CEMIP: variants seen among roughly 807,000 people sequenced by gnomAD.
CEMIP encodes cell migration-inducing and hyaluronan-binding protein.
A neutral mutation model predicts 156.9 loss-of-function variants in CEMIP; 105 were observed. The observed-to-expected ratio is 0.67, with a 90% CI of 0.57 to 0.79. The LOEUF (loss-of-function observed/expected upper bound fraction) is 0.79, where lower values mean the gene tolerates loss of function less well. Ranked by LOEUF, CEMIP falls within the 30% of genes least tolerant of loss-of-function variation. The pLI, the probability that CEMIP is intolerant of heterozygous loss-of-function variation, is 0.00. For missense variants in CEMIP, 1,457 were observed against 1,769.4 expected (o/e 0.82, Z 3.17); for synonymous variants, 676 against 668.4 (o/e 1.01, Z -0.17).
At chr15:80,876,639 G>A (rs190723751) in intron 3 of CEMIP, among the ~76,000 whole-genome samples, 87 of 152,332 alleles carry the variant, frequency 5.7e-4, no homozygotes, top group Non-Finnish European at 1.1e-3. Context: ...CCCAGCAAGC[G>A]GACACTAAGT....
At chr15:80,785,256 T>C (rs961243783) in intron 1 of CEMIP, among the ~76,000 whole-genome samples, 14 of 152,206 alleles carry the variant, frequency 9.2e-5, no homozygotes, top group African/African-American at 3.4e-4. Context: ...TGTTTACATT[T>C]AAACAACTTT....
Position 80,949,191 on chromosome 15 carries a change from T to C in CEMIP, c.*267T>C, listed in dbSNP as rs1319940830. The C allele has an allele frequency of 1.0e-5, 5 of 499,824 alleles. No homozygotes were observed. The East Asian group carries it at 1.9e-4, about 19-fold the overall frequency. 31.0% of individuals were successfully genotyped at this position (499,824 alleles called of 1,614,324 possible). The stretch of plus-strand genomic sequence containing the variant: ...TGCAGCCTCTTGGGTGCTTCTCTCC[T>C]ATCTGTGCCTCTTCAGTGGGGGTTT... On this transcript the variant is annotated 3_prime_UTR_variant, in exon 30 of 30. Coordinates refer to ENST00000394685, the MANE Select transcript of CEMIP (RefSeq NM_001293298.2).
intron 1 of CEMIP, among the ~76,000 whole-genome samples, chr15:80,829,768 G>A (rs1897113237): frequency 6.6e-6 from 1 of 152,176 alleles, no homozygotes; most frequent in African/African-American, 2.4e-5. Flanking sequence ...CACATCAGAG[G>A]CAGGAATTTC....
chr15:80,949,314 TCA>T lies in CEMIP; in HGVS notation c.*393_*394del. 1 of 350,798 alleles carries T rather than the reference TCA, an allele frequency of 2.9e-6. No individual in the cohort carries two copies. The highest frequency in any genetic ancestry group is 2.3e-5 in the South Asian group (1 of 42,732). The allele number at this position is 350,798 out of a possible 1,614,324, so 21.7% of individuals were successfully genotyped here. A position where few individuals can be genotyped will look rare whatever the true frequency, so the allele number is the denominator to read the frequency against. On this transcript the variant is annotated 3_prime_UTR_variant, in exon 30 of 30. Coordinates refer to ENST00000394685, the MANE Select transcript of CEMIP (RefSeq NM_001293298.2). Reference sequence around the variant, plus strand: ...GGAGGTAGTCTGGAGGGCTGGTCATTCACAGATCCCCATGGTCTTCAGCAGAC... The same window carrying T: ...GGAGGTAGTCTGGAGGGCTGGTCATTCAGATCCCCATGGTCTTCAGCAGAC...
At chr15:80,944,671 G>T (rs1366154455) in intron 28 of CEMIP, among the ~76,000 whole-genome samples, 1 of 152,174 alleles carries the variant, frequency 6.6e-6, no homozygotes, top group Non-Finnish European at 1.5e-5. Context: ...CCCATCAGAT[G>T]CTTCTTCGGC....
intron 21 of CEMIP, among the ~76,000 whole-genome samples, chr15:80,931,509 G>A (rs774480610): frequency 6.6e-6 from 1 of 151,930 alleles, no homozygotes; most frequent in Non-Finnish European, 1.5e-5. Context: ...GAAAAATTGG[G>A]GAAAATGTTG....
chr15:80,834,017 C>T (rs925708716), intron 1 of CEMIP, among the ~76,000 whole-genome samples: 1 of 152,216 alleles, frequency 6.6e-6, no homozygotes, highest in African/African-American at 2.4e-5. Context: ...TTTGTTTTGG[C>T]GGGCTATTCT....
rs200606720 is a variant in CEMIP at position 80,854,934 on chromosome 15, G to GT, written c.-175-18604_-175-18603insT. On this transcript the variant is annotated intron_variant, in intron 1 of 29. Coordinates refer to ENST00000394685, the MANE Select transcript of CEMIP (RefSeq NM_001293298.2). ...ACTATGTCTATGGTGGCTCATGCCT[G>GT]AATCCCAGCCCTTTGGGAGGCCGAG... Among the ~76,000 whole-genome samples the GT allele has an allele frequency of 5.3e-3, 810 of 152,326 alleles. 10 individuals carry two copies. The highest frequency in any genetic ancestry group is 0.015 in the African/African-American group (617 of 41,590).
At chr15:80,839,571 G>A (rs935887091) in intron 1 of CEMIP, among the ~76,000 whole-genome samples, 3 of 152,252 alleles carry the variant, frequency 2.0e-5, no homozygotes, top group South Asian at 2.1e-4. Context: ...CTTCAGCAAC[G>A]GGGCCCTGTG....
chr15:80,934,941 G>A (rs1336478681), intron 23 of CEMIP, among the ~76,000 whole-genome samples: 1 of 152,228 alleles, frequency 6.6e-6, no homozygotes, highest in South Asian at 2.1e-4. Context: ...ATTTGGAAGA[G>A]TTGCTGTAGA....
intron 1 of CEMIP, among the ~76,000 whole-genome samples, chr15:80,822,842 C>T (rs1896942326): frequency 6.6e-6 from 1 of 152,204 alleles, no homozygotes; most frequent in Non-Finnish European, 1.5e-5. Context: ...CCTTGATTGA[C>T]TTCCATCTGC....
At chr15:80,807,293 CA>C (rs939541022) in intron 1 of CEMIP, among the ~76,000 whole-genome samples, 7 of 150,078 alleles carry the variant, frequency 4.7e-5, no homozygotes, top group African/African-American at 1.7e-4. Context: ...TGCAGTGGCA[CA>C]ATCATAGCTC....
intron 1 of CEMIP, among the ~76,000 whole-genome samples, chr15:80,788,988 A>G (rs1896014141): frequency 6.6e-6 from 1 of 151,846 alleles, no homozygotes. Flanking sequence ...TTTGGTTTTT[A>G]AAGTGTTGCA....
At chr15:80,939,520 C>T (rs550689882) in intron 25 of CEMIP, among the ~76,000 whole-genome samples, 94 of 152,146 alleles carry the variant, frequency 6.2e-4, no homozygotes, top group Non-Finnish European at 1.0e-3. Context: ...TTCTTCTTTC[C>T]GGCTCATGAG....
intron 1 of CEMIP, among the ~76,000 whole-genome samples, chr15:80,844,783 AAC>A (rs1897513190): frequency 6.6e-6 from 1 of 152,166 alleles, no homozygotes; most frequent in Non-Finnish European, 1.5e-5. Context: ...GCTGTGTAGA[AAC>A]ACAGCGAAGA....
intron 1 of CEMIP, among the ~76,000 whole-genome samples, chr15:80,800,701 A>C (rs761552794): frequency 3.9e-5 from 6 of 152,218 alleles, no homozygotes; most frequent in Non-Finnish European, 8.8e-5. Context: ...TTTAGATCAG[A>C]GTTAGAGAAG....
intron 1 of CEMIP, among the ~76,000 whole-genome samples, chr15:80,797,764 G>C (rs1052226311): frequency 5.9e-5 from 9 of 152,230 alleles, no homozygotes; most frequent in Non-Finnish European, 1.3e-4. Flanking sequence ...CACCCACGGT[G>C]GACCTGGGAA....
rs770047609 is a variant in CEMIP at position 80,942,288 on chromosome 15, G to C, written c.3650G>C (p.Ser1217Thr). 5 of 1,614,194 alleles carry C rather than the reference G, an allele frequency of 3.1e-6. No homozygotes were observed. Among genetic ancestry groups the C allele is most frequent in the Non-Finnish European group, 1.7e-6 (2 of 1,180,012 alleles). Residue 1217 changes from serine to threonine, a missense_variant, in exon 27 of 30, where the codon AGT (serine) becomes ACT (threonine). Coordinates refer to ENST00000394685, the MANE Select transcript of CEMIP (RefSeq NM_001293298.2). ...CATTTCTTGGAGGTGAAGATGGAGA[G>C]TTCCAAGCAGCACTTCTTCCACCTC... is the stretch of plus-strand genomic sequence containing the variant. ...KDHFLEVKME[S>T]SKQHFFHLWN...
chr15:80,810,136 A>C (rs539336362), intron 1 of CEMIP, among the ~76,000 whole-genome samples: 42 of 152,244 alleles, frequency 2.8e-4, no homozygotes, highest in African/African-American at 9.6e-4. Flanking sequence ...CCTGCCACAC[A>C]ATTGATACAT....
Sources: allele counts gnomAD v4.1 joint callset (sites outside exome capture counted in the v4.1 genomes callset), GRCh38; gene constraint gnomAD v4.1.1; transcripts MANE v1.5; gene names NCBI Gene and HGNC (gene_info 2026-07-23, HGNC 2026-07-21).